The following PTPN14 variants were observed in gnomAD, a reference collection of about 807,000 sequenced individuals.
PTPN14 encodes the protein protein tyrosine phosphatase non-receptor type 14, also known as tyrosine-protein phosphatase non-receptor type 14.
A neutral mutation model predicts 126.8 loss-of-function variants in PTPN14; 53 were observed. The ratio of observed to expected loss-of-function variants is 0.42; its 90% CI spans 0.34 to 0.53. The LOEUF (loss-of-function observed/expected upper bound fraction) is 0.53. PTPN14 is among the 20% of genes least tolerant of loss of function. The probability of loss-of-function intolerance (pLI) is 0.08; values close to 1 mark genes in which losing one functional copy is unlikely to be tolerated. For missense variants in PTPN14, 1,257 were observed against 1,552.9 expected, an observed-to-expected ratio of 0.81 and a Z score of 3.20; for synonymous variants, 630 against 599.3, an observed-to-expected ratio of 1.05 and a Z score of -0.75.
intron 2 of PTPN14, among the ~76,000 whole-genome samples, chr1:214,454,376 G>A (rs569655618): frequency 2.6e-5 from 4 of 152,182 alleles, no homozygotes; most frequent in Non-Finnish European, 5.9e-5. Flanking sequence ...TTTAAAAAAC[G>A]GTTAAAATTT....
In PTPN14 at chr1:214,406,478, G is replaced by GA. The variant is rs551324659; in HGVS notation, c.511-3526dup. On this transcript the variant is annotated intron_variant, in intron 5 of 18. Coordinates refer to ENST00000366956, the MANE Select transcript of PTPN14 (RefSeq NM_005401.5). ...CCTGGGTGACAGAGCGAGATTGTCT[G>GA]AAAAAAAAAAAAGAAAAAAAAAAGT... 9.5e-3 allele frequency among the ~76,000 whole-genome samples: 1,109 copies of GA among 116,278 alleles called. 9 individuals carry two copies. Among genetic ancestry groups the GA allele is most frequent in the African/African-American group, 0.028 (865 of 31,222 alleles). 76.3% of individuals were successfully genotyped at this position (116,278 alleles called of 152,430 possible).
chr1:214,479,096 G>A (rs927971053), intron 1 of PTPN14, among the ~76,000 whole-genome samples: 2 of 151,628 alleles, frequency 1.3e-5, no homozygotes, highest in Non-Finnish European at 2.9e-5. Context: ...CTGTAATCTT[G>A]GCACTTTGGG....
chr1:214,407,715 A>G (rs186455932), intron 5 of PTPN14, among the ~76,000 whole-genome samples: 1 of 152,338 alleles, frequency 6.6e-6, no homozygotes, highest in East Asian at 1.9e-4. Context: ...ATAAGTTGCC[A>G]GATTTTGCCT....
Position 214,490,576 on chromosome 1 carries a change from C to T in PTPN14, c.-154-25619G>A, listed in dbSNP as rs539244268. Among the ~76,000 whole-genome samples, 188 of 151,962 alleles carry T rather than the reference C, an allele frequency of 1.2e-3. 1 individual carries two copies. The highest frequency in any genetic ancestry group is 2.3e-3 in the East Asian group (12 of 5,126). The stretch of plus-strand genomic sequence containing the variant: ...TAAGAAACACAAATTGTGGCTCACA[C>T]CTGTAATCTCAATACTTTGGGAGGC... On this transcript the variant is annotated intron_variant, in intron 1 of 18. Transcript: ENST00000366956.
chr1:214,469,791 A>G (rs11120335), intron 1 of PTPN14, among the ~76,000 whole-genome samples: 121,351 of 143,530 alleles, frequency 0.85, 50,218 homozygotes, highest in African/African-American at 0.9. Flanking sequence ...CCACTCTAGT[A>G]GGGGGATGGT....
At chr1:214,485,351 A>T (rs1210794993) in intron 1 of PTPN14, among the ~76,000 whole-genome samples, 1 of 152,258 alleles carries the variant, frequency 6.6e-6, no homozygotes, top group African/African-American at 2.4e-5. Context: ...TTCTAGCGGA[A>T]GGAAGGATCC....
chr1:214,415,374 T>C (rs1659402892), intron 3 of PTPN14, among the ~76,000 whole-genome samples: 1 of 152,200 alleles, frequency 6.6e-6, no homozygotes, highest in Non-Finnish European at 1.5e-5. Flanking sequence ...ACTGTTTCCC[T>C]ACCAATAAAA....
chr1:214,440,318 G>C (rs970279660), intron 3 of PTPN14, among the ~76,000 whole-genome samples: 5 of 152,174 alleles, frequency 3.3e-5, no homozygotes, highest in African/African-American at 1.2e-4. Context: ...CTTGATATAA[G>C]GCAAAGGGCT....
chr1:214,441,065 C>A (rs777370675), intron 3 of PTPN14, among the ~76,000 whole-genome samples: 1 of 152,078 alleles, frequency 6.6e-6, no homozygotes, highest in African/African-American at 2.4e-5. Flanking sequence ...AAGGCATGAA[C>A]GGATGTATTT....
intron 3 of PTPN14, among the ~76,000 whole-genome samples, chr1:214,430,507 A>C (rs753795755): frequency 2.0e-5 from 3 of 152,224 alleles, no homozygotes; most frequent in Non-Finnish European, 4.4e-5. Context: ...AGTAAAGCAG[A>C]ATGCTTGTCA....
chr1:214,486,949 A>G (rs1385337058), intron 1 of PTPN14, among the ~76,000 whole-genome samples: 2 of 152,108 alleles, frequency 1.3e-5, no homozygotes, highest in African/African-American at 4.8e-5. Context: ...ACCTTCAGCT[A>G]TTCACATTAA....
In PTPN14 at chr1:214,546,813, A is replaced by C. The variant is rs116592908; in HGVS notation, c.-155+4370T>G. Among the ~76,000 whole-genome samples, 1,522 of 152,286 alleles carry C rather than the reference A, an allele frequency of 1.0e-2. 21 individuals are homozygous for C. Among genetic ancestry groups the C allele is most frequent in the African/African-American group, 0.035 (1,437 of 41,562 alleles). Reference sequence around the variant, plus strand: ...CTGGGCCTAATTTAGCCCCTAAGGAAACTAAGCTAAATCAACTACATATCA... The same window carrying C: ...CTGGGCCTAATTTAGCCCCTAAGGACACTAAGCTAAATCAACTACATATCA... On this transcript the variant is annotated intron_variant, in intron 1 of 18. Transcript: ENST00000366956.
chr1:214,530,674 C>T (rs1329638816), intron 1 of PTPN14: 1 of 152,170 alleles, frequency 6.6e-6, no homozygotes, highest in African/African-American at 2.4e-5. Context: ...AGCCTCAACT[C>T]TTCCAAAATA....
intron 7 of PTPN14, 83 bp from the exon 8 acceptor site, chr1:214,398,084 C>G: frequency 9.0e-7 from 1 of 1,110,074 alleles, no homozygotes; most frequent in South Asian, 1.3e-5. Flanking sequence ...TGGAATCGAC[C>G]TGAGTGTCCA....
Position 214,397,960 on chromosome 1 carries a change from C to T in PTPN14, c.711G>A (p.Met237Ile), listed in dbSNP as rs1189510333. Residue 237 changes from methionine (M) to isoleucine (I), a missense_variant, in exon 8 of 19, where the codon ATG becomes ATA. Met to Ile is a conservative substitution (Grantham distance 10, BLOSUM62 1). Coordinates refer to ENST00000366956, the MANE Select transcript of PTPN14 (RefSeq NM_005401.5). ...GNCVHLGIFF[M>I]GIFVRNRIGR... ...CAATTCTGTTCCTCACGAAAATCCC[C>T]ATAAAGAAAATGCCAAGGTGTACAC... 6.2e-7 allele frequency: 1 copy of T among 1,613,038 alleles called. No homozygotes were observed. Among genetic ancestry groups the T allele is most frequent in the East Asian group, 2.2e-5 (1 of 44,858 alleles).
intron 1 of PTPN14, among the ~76,000 whole-genome samples, chr1:214,484,982 T>G (rs2102680128): frequency 6.6e-6 from 1 of 152,328 alleles, no homozygotes; most frequent in East Asian, 1.9e-4. Flanking sequence ...GTTAGGCATT[T>G]TCTCAAGGAA....
At chr1:214,451,434 T>C (rs532062177) in intron 3 of PTPN14, among the ~76,000 whole-genome samples, 2 of 152,126 alleles carry the variant, frequency 1.3e-5, no homozygotes, top group Non-Finnish European at 2.9e-5. Context: ...TCCCAAAGTG[T>C]TGATATTACA....
chr1:214,487,443 C>A (rs942121025), intron 1 of PTPN14, among the ~76,000 whole-genome samples: 1 of 152,008 alleles, frequency 6.6e-6, no homozygotes, highest in Non-Finnish European at 1.5e-5. Context: ...CTGGCCAACA[C>A]GGTGAAACCC....
At chr1:214,439,704 T>C (rs1055092101) in intron 3 of PTPN14, among the ~76,000 whole-genome samples, 48 of 152,204 alleles carry the variant, frequency 3.2e-4, no homozygotes, top group African/African-American at 1.0e-3. Context: ...GTATCATTAT[T>C]TGAGTCACAC....
Sources: gnomAD v4.1 joint callset for allele counts (sites outside exome capture counted in the v4.1 genomes callset) on GRCh38, gnomAD v4.1.1 for gene constraint, MANE v1.5 for transcripts, NCBI Gene and HGNC (gene_info 2026-07-23, HGNC 2026-07-21) for gene names.